Variants in PNPLA1 observed in about 807,000 individuals in gnomAD.
PNPLA1 encodes the protein omega-hydroxyceramide transacylase.
In PNPLA1, 36 loss-of-function variants were observed where a neutral mutation model predicts 51.7. That is an observed-to-expected ratio of 0.70 (90% CI 0.53 to 0.92). The LOEUF (loss-of-function observed/expected upper bound fraction) is 0.92. PNPLA1 is among the 40% of genes least tolerant of loss of function. PNPLA1 has a pLI of 0.00. For missense variants in PNPLA1, 658 were observed against 682.5 expected (o/e 0.96, Z 0.40); for synonymous variants, 293 against 280.1 (o/e 1.05, Z -0.46).
intron 1 of PNPLA1, among the ~76,000 whole-genome samples, chr6:36,276,666 C>T (rs1376237764): frequency 6.6e-6 from 1 of 152,168 alleles, no homozygotes; most frequent in Non-Finnish European, 1.5e-5. Flanking sequence ...AACCCTACTC[C>T]CACTTAAGCT....
chr6:36,298,633 C>T (rs1195341596), intron 5 of PNPLA1, among the ~76,000 whole-genome samples: 1 of 152,208 alleles, frequency 6.6e-6, no homozygotes, highest in East Asian at 1.9e-4. Flanking sequence ...ACACTAGGTA[C>T]TTCATATAAA....
At chr6:36,258,327 G>A (rs1442246615) in intron 1 of PNPLA1, among the ~76,000 whole-genome samples, 2 of 152,182 alleles carry the variant, frequency 1.3e-5, no homozygotes, top group East Asian at 1.9e-4. Flanking sequence ...GGTTTTTCAC[G>A]CCAGTACAAG....
At chr6:36,269,106 G>A (rs1298129235), upstream of PNPLA1, among the ~76,000 whole-genome samples, 3 of 152,220 alleles carry the variant, frequency 2.0e-5, no homozygotes, top group East Asian at 1.9e-4. Context: ...CCTCACTGTG[G>A]AATTCCCATG....
At position 36,294,439 on chromosome 6, in the gene PNPLA1, C is replaced by T; in HGVS notation, c.714+40C>T. The T allele has an allele frequency of 1.3e-6, 2 of 1,584,214 alleles. No homozygotes were observed. Among genetic ancestry groups the T allele is most frequent in the Non-Finnish European group, 1.7e-6 (2 of 1,155,836 alleles). ...GGGTCTGGGGAGTAGCAGAAGGTAC[C>T]AGGGACTAGGGGTGGGGTTAGAGAG... On this transcript the variant is annotated intron_variant, in intron 4 of 8. Transcript: ENST00000636260. This position sits in a 1 kb window ranked among gnomAD's most constrained non-coding sequence, Gnocchi z 4.2.
At chr6:36,244,089 C>T (rs533405813) in intron 1 of PNPLA1, among the ~76,000 whole-genome samples, 1 of 152,260 alleles carries the variant, frequency 6.6e-6, no homozygotes, top group African/African-American at 2.4e-5. Flanking sequence ...ATTCTAGAGC[C>T]CATGCACAGC....
intron 1 of PNPLA1, among the ~76,000 whole-genome samples, chr6:36,261,558 G>A (rs1769648713): frequency 6.6e-6 from 1 of 152,326 alleles, no homozygotes; most frequent in African/African-American, 2.4e-5. Flanking sequence ...GTGAACGTGT[G>A]TTCACCTCAG....
chr6:36,310,970 G>T (rs1771394998), intron 8 of PNPLA1, among the ~76,000 whole-genome samples: 1 of 152,228 alleles, frequency 6.6e-6, no homozygotes, highest in Admixed American at 6.5e-5. Context: ...AGGCCTGTGT[G>T]GGACATTTGG....
At chr6:36,248,334 T>C (rs1769345786) in intron 1 of PNPLA1, among the ~76,000 whole-genome samples, 1 of 152,146 alleles carries the variant, frequency 6.6e-6, no homozygotes, top group South Asian at 2.1e-4. Flanking sequence ...TAGCACCTCA[T>C]CTACTCCTCC....
intron 1 of PNPLA1, among the ~76,000 whole-genome samples, chr6:36,282,147 CAGAG>C (rs766622615): frequency 6.3e-4 from 44 of 69,398 alleles, no homozygotes; most frequent in African/African-American, 2.2e-3. Context: ...GAAAGAGAGA[CAGAG>C]AGAGAGAGAA....
rs1227982643 is a variant in PNPLA1 at position 36,299,447 on chromosome 6, G to T, written c.776-2414G>T. Among the ~76,000 whole-genome samples, 3 of 149,922 alleles carry T rather than the reference G, an allele frequency of 2.0e-5. No individual in the cohort carries two copies. The Admixed American group carries it at 2.0e-4, about 10-fold the overall frequency. On this transcript the variant is annotated intron_variant, in intron 5 of 8. Coordinates refer to ENST00000636260, the MANE Select transcript of PNPLA1 (RefSeq NM_001374623.1). ...CCTCCTGGGTTCACACCATTCTCCTGCCTCAGTCTCCCGAGTAGCTGGGAC... is the reference window on the plus strand; with the variant it reads ...CCTCCTGGGTTCACACCATTCTCCTTCCTCAGTCTCCCGAGTAGCTGGGAC...
rs1181906508 is a variant in PNPLA1, at chr6:36,282,075, A to AAGAT, written c.206-9242_206-9241insTAGA. 2.8e-4 allele frequency among the ~76,000 whole-genome samples: 37 copies of AAGAT among 132,846 alleles called. 1 individual carries two copies. Among genetic ancestry groups the AAGAT allele is most frequent in the Non-Finnish European group, 4.8e-4 (30 of 62,194 alleles). 87.2% of individuals were successfully genotyped at this position (132,846 alleles called of 152,430 possible). On this transcript the variant is annotated intron_variant, in intron 1 of 8. Transcript: ENST00000636260. The stretch of plus-strand genomic sequence containing the variant: ...AAAGAAAGAAAGAAAGAAAGAAAGA[A>AAGAT]AGAAAGAAAGAAAGAAGGAAGGAAG...
At chr6:36,291,043 TC>T (rs1320208759) in intron 1 of PNPLA1, among the ~76,000 whole-genome samples, 1 of 152,208 alleles carries the variant, frequency 6.6e-6, no homozygotes, top group East Asian at 1.9e-4. Flanking sequence ...AAGGTGTCTG[TC>T]ACGTAATGAC....
rs569342608 is a variant in PNPLA1 at position 36,270,601 on chromosome 6, C to G, written c.142C>G (p.Arg48Gly). The G allele has an allele frequency of 1.9e-6, 3 of 1,551,644 alleles. No homozygotes were observed. The highest frequency in any genetic ancestry group is 2.6e-6 in the Non-Finnish European group (3 of 1,147,006). The part of the protein sequence containing the change: ...LAPRMLETAH[R>G]FAGTSAGAVI... Reference sequence around the variant, plus strand: ...CCCCCGGATGCTGGAAACAGCCCACCGCTTTGCGGGGACATCGGCAGGTGC... The same window carrying G: ...CCCCCGGATGCTGGAAACAGCCCACGGCTTTGCGGGGACATCGGCAGGTGC... Residue 48 changes from arginine (R) to glycine (G), a missense_variant, in exon 1 of 9, where the codon CGC (arginine) becomes GGC (glycine). Transcript: ENST00000636260.
Position 36,302,327 on chromosome 6 carries a change from C to G in PNPLA1, c.1242C>G (p.Ser414=). 1 of 1,613,914 alleles carries G rather than the reference C, an allele frequency of 6.2e-7. No homozygotes were observed. The highest frequency in any genetic ancestry group is 8.5e-7 in the Non-Finnish European group (1 of 1,179,832). Residue 414 remains serine (S), a synonymous_variant, in exon 6 of 9, where the codon TCC becomes TCG. Coordinates refer to ENST00000636260, the MANE Select transcript of PNPLA1 (RefSeq NM_001374623.1). ...AACCGTCTGGATCACCAGCCAGATC[C>G]CTACACTCTCAGGCACCCACTTCAC... The part of the protein sequence containing the change: ...QVQPSGSPAR[S]LHSQAPTSPR...
chr6:36,295,720 C>T (rs960381526), intron 5 of PNPLA1, among the ~76,000 whole-genome samples: 2 of 152,198 alleles, frequency 1.3e-5, no homozygotes, highest in Non-Finnish European at 2.9e-5. Flanking sequence ...TTAGGAAATC[C>T]AGAGTTCAGA....
intron 1 of PNPLA1, among the ~76,000 whole-genome samples, chr6:36,282,212 G>GGAAGGGAAGGAAGTAAGGAAGGAAGGAA (rs1554136650): frequency 9.2e-6 from 1 of 108,632 alleles, no homozygotes. Flanking sequence ...AAGGAAGGAA[G>GGAAGGGAAGGAAGTAAGGAAGGAAGGAA]GGAAGGAAGG....
intron 8 of PNPLA1, among the ~76,000 whole-genome samples, chr6:36,309,033 G>A (rs12662591): frequency 0.13 from 20,395 of 152,052 alleles, 1,451 homozygotes; most frequent in Middle Eastern, 0.2. Flanking sequence ...ATCATTCTGA[G>A]CAACATCCTT....
intron 5 of PNPLA1, among the ~76,000 whole-genome samples, chr6:36,299,463 T>C (rs946866598): frequency 3.4e-4 from 52 of 151,800 alleles, no homozygotes; most frequent in Non-Finnish European, 6.9e-4. Flanking sequence ...GTCTCCCGAG[T>C]AGCTGGGACT....
chr6:36,247,974 A>C lies in PNPLA1; in HGVS notation c.-81+4713A>C, dbSNP rs185025256. 1.2e-3 allele frequency among the ~76,000 whole-genome samples: 181 copies of C among 152,312 alleles called. 3 individuals carry two copies. The highest frequency in any genetic ancestry group is 4.1e-3 in the African/African-American group (171 of 41,544). On this transcript the variant is annotated intron_variant, in intron 1 of 7. Transcript: ENST00000312917. The stretch of plus-strand genomic sequence containing the variant: ...ATTTTACAACAGGAAATTGAGGCCC[A>C]GAGAACAGAAGGACACATGGGTGCT...
Sources: gnomAD v4.1 joint callset for allele counts (sites outside exome capture counted in the v4.1 genomes callset) on GRCh38, gnomAD v4.1.1 for gene constraint, Gnocchi (gnomAD v3.1) non-coding constraint, MANE v1.5 for transcripts, NCBI Gene and HGNC (gene_info 2026-07-23, HGNC 2026-07-21) for gene names.